The following SQSTM1 variants were observed in gnomAD, a reference collection of about 807,000 sequenced individuals.
The protein encoded by SQSTM1 is sequestosome 1, also known as sequestosome-1.
Under a neutral mutation model 45.1 loss-of-function variants are expected in SQSTM1, and 36 were observed. The observed-to-expected ratio is 0.80, with a 90% CI of 0.61 to 1.05. SQSTM1 has a LOEUF of 1.05. Ranked by LOEUF, SQSTM1 falls within the 50% of genes least tolerant of loss-of-function variation. The pLI, the probability that SQSTM1 is intolerant of heterozygous loss-of-function variation, is 0.00. For synonymous variants in SQSTM1, 290 were observed against 244.3 expected, an observed-to-expected ratio of 1.19 and a Z score of -1.74; for missense variants, 617 against 607.1, an observed-to-expected ratio of 1.02 and a Z score of -0.17.
rs148611524 is a variant in SQSTM1 at position 179,837,430 on chromosome 5, G to A, written c.*837G>A. ...CGAAGTCTTCCCCAGTTATAAAGAGGTCACATAGTCGTGTGGGTCGAGGAT... is the reference window on the plus strand; with the variant it reads ...CGAAGTCTTCCCCAGTTATAAAGAGATCACATAGTCGTGTGGGTCGAGGAT... On this transcript the variant is annotated 3_prime_UTR_variant, in exon 8 of 8. Transcript: ENST00000389805. 7.6e-4 allele frequency: 1,217 copies of A among 1,606,654 alleles called. No homozygotes were observed. The highest frequency in any genetic ancestry group is 9.6e-4 in the Non-Finnish European group (1,123 of 1,175,884).
chr5:179,807,111 G>T lies in SQSTM1; in HGVS notation c.-157+520G>T, dbSNP rs1020755987. Among the ~76,000 whole-genome samples, 15 of 151,790 alleles carry T rather than the reference G, an allele frequency of 9.9e-5. No individual in the cohort carries two copies. The East Asian group carries it at 2.0e-3, about 20-fold the overall frequency. On this transcript the variant is annotated intron_variant, in intron 1 of 5. Coordinates refer to the SQSTM1 transcript ENST00000514093. ...CCCGCAGCCCCGCGTGGGCTCGTGC[G>T]AGTCGGCCTCAGGTAAGGCTGGAGT...
chr5:179,808,531 C>G (rs1757283025), intron 1 of SQSTM1: 1 of 152,134 alleles, frequency 6.6e-6, no homozygotes, highest in Admixed American at 6.6e-5. Context: ...ACTTAGTCAC[C>G]CAGAGGCCGG....
intron 5 of SQSTM1, among the ~76,000 whole-genome samples, chr5:179,830,108 C>T (rs575387463): frequency 6.9e-6 from 1 of 145,422 alleles, no homozygotes; most frequent in Non-Finnish European, 1.5e-5. Context: ...GACCTTGTCT[C>T]AAACAAAACA....
intron 5 of SQSTM1, among the ~76,000 whole-genome samples, chr5:179,829,038 G>C: frequency 6.6e-6 from 1 of 152,272 alleles, no homozygotes; most frequent in South Asian, 2.1e-4. Flanking sequence ...AACAAGGGGG[G>C]AGGGTTGAAA....
intron 4 of SQSTM1, 73 bp downstream of exon 4, chr5:179,824,396 A>C: frequency 6.2e-7 from 1 of 1,608,224 alleles, no homozygotes; most frequent in Non-Finnish European, 8.5e-7. Context: ...GCCCTTGTGC[A>C]AAGCGTGTGT....
chr5:179,831,714 G>A (rs960793131), intron 5 of SQSTM1, among the ~76,000 whole-genome samples: 16 of 151,922 alleles, frequency 1.1e-4, no homozygotes, highest in Admixed American at 3.3e-4. Context: ...AACAAAAAGC[G>A]ATACAAAGAA....
intron 1 of SQSTM1, chr5:179,822,564 T>A (rs1477770351): frequency 3.0e-6 from 1 of 331,404 alleles, no homozygotes; most frequent in Non-Finnish European, 6.0e-6. Context: ...TTTGTGGGGC[T>A]GGGCCCCTCA....
chr5:179,810,210 C>G (rs909175895), intron 1 of SQSTM1, among the ~76,000 whole-genome samples: 1 of 152,048 alleles, frequency 6.6e-6, no homozygotes, highest in Non-Finnish European at 1.5e-5. Flanking sequence ...GGTTGGTATG[C>G]TGCACCCATT....
chr5:179,831,901 G>A (rs693549), intron 5 of SQSTM1, among the ~76,000 whole-genome samples: 98,384 of 151,208 alleles, frequency 0.65, 33,133 homozygotes, highest in African/African-American at 0.82. Flanking sequence ...CTTCTGCCTC[G>A]GCCTCCCGAG....
intron 6 of SQSTM1, 77 bp downstream of exon 6, chr5:179,833,323 C>T: frequency 7.2e-7 from 1 of 1,381,032 alleles, no homozygotes; most frequent in Non-Finnish European, 9.9e-7. Context: ...GCCTCATCCT[C>T]AGCACCTCTG....
rs1326224686 is a variant in SQSTM1, at chr5:179,834,953, G to A, written c.1165+1171G>A. On this transcript the variant is annotated intron_variant, in intron 7 of 7. Coordinates refer to ENST00000389805, the MANE Select transcript of SQSTM1 (RefSeq NM_003900.5). ...CAGACGGGGTGGTGGCCGGGCAGAG[G>A]GGCTCCTCACTTCCCAGTAGGGGCG... is the stretch of plus-strand genomic sequence containing the variant. Among the ~76,000 whole-genome samples, 76 of 151,978 alleles carry A rather than the reference G, an allele frequency of 5.0e-4. 1 individual carries two copies. The highest frequency in any genetic ancestry group is 4.4e-3 in the Admixed American group (67 of 15,282).
chr5:179,828,599 C>T (rs1344786093), intron 5 of SQSTM1, among the ~76,000 whole-genome samples: 1 of 152,086 alleles, frequency 6.6e-6, no homozygotes, highest in Non-Finnish European at 1.5e-5. Flanking sequence ...GTCTCGAACT[C>T]CCGACCTCAG....
At chr5:179,828,598 T>C (rs1758096373) in intron 5 of SQSTM1, among the ~76,000 whole-genome samples, 1 of 152,156 alleles carries the variant, frequency 6.6e-6, no homozygotes, top group Non-Finnish European at 1.5e-5. Context: ...GGTCTCGAAC[T>C]CCCGACCTCA....
intron 5 of SQSTM1, among the ~76,000 whole-genome samples, chr5:179,832,030 G>A (rs269445): frequency 0.63 from 95,598 of 151,996 alleles, 30,464 homozygotes; most frequent in East Asian, 0.78. Context: ...TGATCCGCCC[G>A]CCTCGGCCTC....
intron 5 of SQSTM1, among the ~76,000 whole-genome samples, chr5:179,826,667 C>G (rs1456449625): frequency 6.8e-6 from 1 of 146,764 alleles, no homozygotes; most frequent in Admixed American, 6.9e-5. Context: ...GTGGTGTGAT[C>G]TCGGCTCACT....
rs771948860 is a variant in SQSTM1, at chr5:179,833,694, A to G, written c.1077A>G (p.Pro359=). Residue 359 remains proline (P), a synonymous_variant, in exon 7 of 8, where the codon CCA becomes CCG. Coordinates refer to ENST00000389805, the MANE Select transcript of SQSTM1 (RefSeq NM_003900.5). The stretch of plus-strand genomic sequence containing the variant: ...GTGAACTCCAGTCCCTACAGATGCC[A>G]GAATCCGAAGGGCCAAGCTCTCTGG... ...STGELQSLQM[P]ESEGPSSLDP... is the part of the protein sequence containing the mutation. 5.6e-6 allele frequency: 9 copies of G among 1,614,084 alleles called. No individual in the cohort carries two copies. The highest frequency in any genetic ancestry group is 5.0e-5 in the Admixed American group (3 of 60,002).
At chr5:179,826,321 C>T (rs1279147529) in intron 5 of SQSTM1, among the ~76,000 whole-genome samples, 7 of 152,122 alleles carry the variant, frequency 4.6e-5, no homozygotes, top group East Asian at 1.9e-4. Flanking sequence ...CCCGCCACCA[C>T]GCCCAGCTAA....
At chr5:179,817,251 C>G (rs911401267), upstream of SQSTM1, among the ~76,000 whole-genome samples, 1 of 152,218 alleles carries the variant, frequency 6.6e-6, no homozygotes, top group African/African-American at 2.4e-5. Context: ...AGGTTCTGCC[C>G]CGGGCCGCGC....
At chr5:179,834,631 C>A (rs999055418) in intron 7 of SQSTM1, among the ~76,000 whole-genome samples, 1 of 151,832 alleles carries the variant, frequency 6.6e-6, no homozygotes, top group Non-Finnish European at 1.5e-5. Flanking sequence ...GAGCATGCTG[C>A]CTTCAAGCAT....
Sources: allele counts gnomAD v4.1 joint callset (sites outside exome capture counted in the v4.1 genomes callset), GRCh38; gene constraint gnomAD v4.1.1; transcripts MANE v1.5; gene names NCBI Gene and HGNC (gene_info 2026-07-23, HGNC 2026-07-21).